The following CDS1 variants were observed in gnomAD, a reference collection of about 807,000 sequenced individuals.
CDS1 encodes the protein phosphatidate cytidylyltransferase 1.
A neutral mutation model predicts 62.1 loss-of-function variants in CDS1; 41 were observed. The ratio of observed to expected loss-of-function variants is 0.66; its 90% CI spans 0.51 to 0.86. The LOEUF (loss-of-function observed/expected upper bound fraction) is 0.86. Ranked by LOEUF, CDS1 falls within the 40% of genes least tolerant of loss-of-function variation. The pLI is 0.00. For missense variants in CDS1, 470 were observed against 550.1 expected (o/e 0.85, Z 1.46); for synonymous variants, 185 against 192.6 (o/e 0.96, Z 0.32).
At chr4:84,644,957 G>A (rs562574062) in intron 11 of CDS1, among the ~76,000 whole-genome samples, 7 of 152,112 alleles carry the variant, frequency 4.6e-5, no homozygotes, top group Admixed American at 2.6e-4. Context: ...TTTTATTAAC[G>A]AAAAAAAGTA....
rs115297368 is a variant in CDS1 at position 84,618,741 on chromosome 4, A to G, written c.441-653A>G. Among the ~76,000 whole-genome samples the G allele has an allele frequency of 6.9e-3, 1,045 of 152,220 alleles. 15 individuals carry two copies. The highest frequency in any genetic ancestry group is 5.1e-3 in the Non-Finnish European group (350 of 68,006). On this transcript the variant is annotated intron_variant, in intron 4 of 12. Transcript: ENST00000295887. ...CCTTACAGAGGAAGCATCCCTGCTC[A>G]TCTGGAGTCCACTAGGAGCATTAGA...
intron 8 of CDS1, 40 bp downstream of exon 8, chr4:84,635,391 TA>T: frequency 1.1e-6 from 1 of 937,970 alleles, no homozygotes; most frequent in East Asian, 2.4e-5. Context: ...TATGTAACCT[TA>T]AAGATTAGCC....
intron 5 of CDS1, among the ~76,000 whole-genome samples, chr4:84,620,372 G>A (rs1723644009): frequency 1.3e-5 from 2 of 151,538 alleles, no homozygotes; most frequent in African/African-American, 2.4e-5. Context: ...ACAGGCCCCC[G>A]CCACCACACC....
rs1175989476 is a variant in CDS1, at chr4:84,583,840, GTCC to G, written c.117+327_117+329del. ...CGACGCTGGAATCAGGAGGGAACCTGTCCTCCTAGGGGCTGCAGTGCAGTTAGT... is the reference window on the plus strand; with the variant it reads ...CGACGCTGGAATCAGGAGGGAACCTGTCCTAGGGGCTGCAGTGCAGTTAGT... On this transcript the variant is annotated intron_variant, in intron 1 of 12. Transcript: ENST00000295887. 1.3e-5 allele frequency among the ~76,000 whole-genome samples: 2 copies of G among 152,122 alleles called. 1 individual carries two copies. Among genetic ancestry groups the G allele is most frequent in the Admixed American group, 1.3e-4 (2 of 15,288 alleles).
chr4:84,615,404 G>A (rs542131917), intron 3 of CDS1, among the ~76,000 whole-genome samples: 2 of 151,794 alleles, frequency 1.3e-5, no homozygotes, highest in South Asian at 2.1e-4. Context: ...TCAACTCCTC[G>A]GTGCACTGCT....
chr4:84,639,040 A>G, intron 9 of CDS1, 48 bp downstream of exon 9: 1 of 852,450 alleles, frequency 1.2e-6, no homozygotes, highest in Non-Finnish European at 1.8e-6. Context: ...GAAATATGAT[A>G]CCAAGCTTAC....
At chr4:84,598,628 T>A (rs886892049) in intron 1 of CDS1, among the ~76,000 whole-genome samples, 23 of 152,230 alleles carry the variant, frequency 1.5e-4, no homozygotes, top group African/African-American at 5.1e-4. Context: ...TTTTTAAAAT[T>A]TTGATTCTTA....
intron 6 of CDS1, 87 bp from the exon 7 acceptor site, chr4:84,633,770 G>A: frequency 1.5e-6 from 1 of 652,614 alleles, no homozygotes; most frequent in Non-Finnish European, 2.5e-6. Flanking sequence ...AGTCATGGTA[G>A]AAATTTGGGT....
At chr4:84,617,719 GA>G in intron 4 of CDS1, 58 bp downstream of exon 4, 1 of 815,596 alleles carries the variant, frequency 1.2e-6, no homozygotes, top group Non-Finnish European at 2.0e-6. Flanking sequence ...GTTTGTAAAG[GA>G]AGCGTCTTGA....
intron 1 of CDS1, among the ~76,000 whole-genome samples, chr4:84,600,626 ATTCTT>A (rs1444284328): frequency 6.6e-6 from 1 of 152,192 alleles, no homozygotes; most frequent in African/African-American, 2.4e-5. Context: ...TTTATGGACT[ATTCTT>A]TTCCATTGAT....
intron 8 of CDS1, among the ~76,000 whole-genome samples, chr4:84,635,621 GCCTGCCTTCCTTCCTTCCTTCCTT>G (rs1724168836): frequency 1.2e-5 from 1 of 84,808 alleles, no homozygotes; most frequent in African/African-American, 4.9e-5. Flanking sequence ...CTGCCTGCCT[GCCTGCCTTCCTTCCTTCCTTCCTT>G]CCTTCCTTCC....
Position 84,633,860 on chromosome 4 carries a change from G to A in CDS1, c.643G>A (p.Ala215Thr), listed in dbSNP as rs113432734. ...KHYRLQFYMF[A>T]WTHVTLLITV... Reference sequence around the variant, plus strand: ...TGTATTGTTGGGCTATTAACAGTTCGCATGGACTCATGTCACTTTACTGAT... The same window carrying A: ...TGTATTGTTGGGCTATTAACAGTTCACATGGACTCATGTCACTTTACTGAT... Residue 215 changes from alanine to threonine, a missense_variant, in exon 7 of 13, where the codon GCA becomes ACA. By Grantham distance (58) the Ala-to-Thr change is moderately conservative. This residue lies in a region of CDS1 where 214 missense variants were observed against 242.4 expected (regional missense o/e 0.88). Coordinates refer to ENST00000295887, the MANE Select transcript of CDS1 (RefSeq NM_001263.4). 1.3e-5 allele frequency: 20 copies of A among 1,595,456 alleles called. No homozygotes were observed. The highest frequency in any genetic ancestry group is 6.8e-5 in the East Asian group (3 of 43,836).
At chr4:84,647,766 T>G (rs972384901) in intron 12 of CDS1, among the ~76,000 whole-genome samples, 2 of 152,212 alleles carry the variant, frequency 1.3e-5, no homozygotes, top group African/African-American at 4.8e-5. Context: ...CTGCTCATCC[T>G]CATTGTGGTA....
At chr4:84,603,401 A>G (rs1213468969) in intron 1 of CDS1, among the ~76,000 whole-genome samples, 1 of 152,166 alleles carries the variant, frequency 6.6e-6, no homozygotes, top group South Asian at 2.1e-4. Flanking sequence ...CTCATAACTG[A>G]AGGTTGCCAG....
intron 2 of CDS1, among the ~76,000 whole-genome samples, chr4:84,608,205 G>C (rs1042785407): frequency 3.9e-5 from 6 of 152,182 alleles, no homozygotes; most frequent in Non-Finnish European, 7.3e-5. Flanking sequence ...ACGGAGTCTC[G>C]CTCAGTCGCC....
At chr4:84,620,512 G>GCGC (rs988048266) in intron 5 of CDS1, among the ~76,000 whole-genome samples, 63 of 150,926 alleles carry the variant, frequency 4.2e-4, no homozygotes, top group Non-Finnish European at 8.7e-4. Flanking sequence ...ATGAGCCACC[G>GCGC]CGCCTGGCCT....
At chr4:84,616,405 T>C (rs1385275572) in intron 3 of CDS1, among the ~76,000 whole-genome samples, 1 of 152,224 alleles carries the variant, frequency 6.6e-6, no homozygotes, top group Non-Finnish European at 1.5e-5. Context: ...ATACCCTGAA[T>C]GGTAGGTTTT....
At chr4:84,619,347 G>T (rs1723601247) in intron 4 of CDS1, 47 bp from the exon 5 acceptor site, 6 of 1,074,062 alleles carry the variant, frequency 5.6e-6, no homozygotes, top group Non-Finnish European at 7.7e-6. Flanking sequence ...AGTTTGAGGG[G>T]AAGGAAAGCT....
intron 5 of CDS1, among the ~76,000 whole-genome samples, chr4:84,624,404 C>T (rs1340065597): frequency 1.3e-5 from 2 of 151,338 alleles, no homozygotes; most frequent in Non-Finnish European, 2.9e-5. Context: ...GCCTTACTTA[C>T]GATATCTGGA....
Sources: allele counts gnomAD v4.1 joint callset (sites outside exome capture counted in the v4.1 genomes callset), GRCh38; gene constraint gnomAD v4.1.1; regional missense constraint gnomAD v4.1.1; transcripts MANE v1.5; gene names NCBI Gene and HGNC (gene_info 2026-07-23, HGNC 2026-07-21).